The following PTPRD variants were observed in gnomAD, a reference collection of about 807,000 sequenced individuals.
PTPRD encodes the protein protein tyrosine phosphatase receptor type D, also known as receptor-type tyrosine-protein phosphatase delta.
A neutral mutation model predicts 214.5 loss-of-function variants in PTPRD; 34 were observed. The ratio of observed to expected loss-of-function variants is 0.16; its 90% CI spans 0.12 to 0.21. PTPRD has a LOEUF of 0.21. Among genes scored for constraint, PTPRD ranks in the 10% least tolerant of loss-of-function variants. PTPRD has a pLI of 1.00. For missense variants in PTPRD, 2,545 were observed against 2,398.7 expected (o/e 1.06, Z -1.27); for synonymous variants, 1,128 against 845.7 (o/e 1.33, Z -5.79).
intron 8 of PTPRD, among the ~76,000 whole-genome samples, chr9:9,523,508 T>C (rs1403478126): frequency 1.3e-5 from 2 of 151,694 alleles, no homozygotes; most frequent in Admixed American, 1.3e-4. Flanking sequence ...ACAACATATT[T>C]ATCTAACTCC....
At chr9:9,208,415 A>G (rs2099946381) in intron 9 of PTPRD, among the ~76,000 whole-genome samples, 1 of 152,006 alleles carries the variant, frequency 6.6e-6, no homozygotes, top group South Asian at 2.1e-4. Flanking sequence ...ATACAAAATA[A>G]ATAAATGAAA....
At chr9:9,929,706 A>G (rs1339366887) in intron 5 of PTPRD, among the ~76,000 whole-genome samples, 1 of 152,190 alleles carries the variant, frequency 6.6e-6, no homozygotes, top group African/African-American at 2.4e-5. Context: ...AAACACTTTT[A>G]AAGAGGTTTC....
At chr9:8,357,558 C>G (rs181640198) in intron 39 of PTPRD, among the ~76,000 whole-genome samples, 4 of 152,158 alleles carry the variant, frequency 2.6e-5, no homozygotes, top group African/African-American at 4.8e-5. Context: ...TTGGCTCTGT[C>G]TGTTTTGGAA....
intron 12 of PTPRD, among the ~76,000 whole-genome samples, chr9:8,674,238 T>A (rs1292894484): frequency 1.3e-5 from 2 of 151,984 alleles, no homozygotes; most frequent in Non-Finnish European, 2.9e-5. Context: ...GGCAGGCAGA[T>A]CACAAAGTCA....
intron 8 of PTPRD, among the ~76,000 whole-genome samples, chr9:9,440,401 G>C (rs2087093214): frequency 6.6e-6 from 1 of 152,138 alleles, no homozygotes; most frequent in African/African-American, 2.4e-5. Flanking sequence ...AAATGCAAAA[G>C]TGAAAAGGTA....
intron 3 of PTPRD, among the ~76,000 whole-genome samples, chr9:10,054,452 G>A (rs571314806): frequency 1.2e-4 from 18 of 152,228 alleles, no homozygotes; most frequent in African/African-American, 4.3e-4. Flanking sequence ...CTACACTGTA[G>A]AAAGGCTTCC....
intron 14 of PTPRD, among the ~76,000 whole-genome samples, chr9:8,580,719 C>T (rs1437396101): frequency 6.6e-6 from 1 of 152,046 alleles, no homozygotes; most frequent in African/African-American, 2.4e-5. Flanking sequence ...GTAAGTACAA[C>T]AAAATAGGTA....
chr9:9,810,486 A>G (rs1159635354), intron 5 of PTPRD, among the ~76,000 whole-genome samples: 1 of 152,148 alleles, frequency 6.6e-6, no homozygotes, highest in Non-Finnish European at 1.5e-5. Context: ...GCCCTTAATA[A>G]TTATGTTAAA....
intron 9 of PTPRD, among the ~76,000 whole-genome samples, chr9:9,360,498 T>G (rs1289696233): frequency 6.6e-6 from 1 of 151,106 alleles, no homozygotes; most frequent in Non-Finnish European, 1.5e-5. Context: ...TGTGACAAGG[T>G]CTATGGGAGT....
At chr9:9,712,016 A>T (rs2097744321) in intron 7 of PTPRD, among the ~76,000 whole-genome samples, 2 of 152,224 alleles carry the variant, frequency 1.3e-5, no homozygotes, top group South Asian at 4.1e-4. Context: ...CATTCAATTC[A>T]GCATTAGCAT....
intron 5 of PTPRD, among the ~76,000 whole-genome samples, chr9:9,826,196 CCTTT>C (rs1211896820): frequency 6.6e-6 from 1 of 151,636 alleles, no homozygotes; most frequent in Non-Finnish European, 1.5e-5. Flanking sequence ...AATATGACTT[CCTTT>C]AACTTTTTCT....
chr9:9,221,795 G>T (rs569064576), intron 9 of PTPRD, among the ~76,000 whole-genome samples: 5 of 152,048 alleles, frequency 3.3e-5, no homozygotes, highest in African/African-American at 9.6e-5. Context: ...AATCTGTCAC[G>T]TGTAGCAGAA....
intron 2 of PTPRD, among the ~76,000 whole-genome samples, chr9:10,468,559 G>A (rs541172206): frequency 4.3e-4 from 66 of 152,240 alleles, no homozygotes; most frequent in African/African-American, 1.6e-3. Context: ...ATGATGGGTT[G>A]ATGGGTGCAG....
At chr9:9,353,744 T>C (rs1167018566) in intron 9 of PTPRD, among the ~76,000 whole-genome samples, 2 of 151,838 alleles carry the variant, frequency 1.3e-5, no homozygotes, top group Admixed American at 6.6e-5. Flanking sequence ...AAGGAATATA[T>C]TAGTTTTCTA....
At chr9:10,201,533 T>C (rs2099421889) in intron 3 of PTPRD, among the ~76,000 whole-genome samples, 1 of 152,064 alleles carries the variant, frequency 6.6e-6, no homozygotes, top group South Asian at 2.1e-4. Flanking sequence ...TTAATTGTCA[T>C]CTTTTTAAAG....
At chr9:8,940,360 G>T in intron 11 of PTPRD, among the ~76,000 whole-genome samples, 1 of 132,896 alleles carries the variant, frequency 7.5e-6, no homozygotes, top group Non-Finnish European at 1.6e-5. Flanking sequence ...TTGGCCCACT[G>T]CAACCTCTGC....
At chr9:9,493,589 C>G (rs2096021109) in intron 8 of PTPRD, among the ~76,000 whole-genome samples, 1 of 151,818 alleles carries the variant, frequency 6.6e-6, no homozygotes, top group Admixed American at 6.6e-5. Flanking sequence ...GAGATCGAGA[C>G]CATTCTGGCT....
At chr9:10,602,215 G>A (rs145758447) in intron 2 of PTPRD, among the ~76,000 whole-genome samples, 413 of 151,788 alleles carry the variant, frequency 2.7e-3, no homozygotes, top group African/African-American at 6.6e-3. Flanking sequence ...AAGAAGTGTC[G>A]ATCCAATTCG....
rs138711905 is a variant in PTPRD, at chr9:10,279,583, A to G, written c.-545+61380T>C. ...CTCCTTTGCTGGAGGTTGGTCATTT[A>G]TATCTTACTCAAGCTACTTTCACGT... On this transcript the variant is annotated intron_variant, in intron 3 of 45. Transcript: ENST00000381196. Among the ~76,000 whole-genome samples the G allele has an allele frequency of 5.3e-3, 803 of 152,106 alleles. 9 individuals are homozygous for G. The highest frequency in any genetic ancestry group is 0.018 in the African/African-American group (758 of 41,492).
Sources: gnomAD v4.1 joint callset for allele counts (sites outside exome capture counted in the v4.1 genomes callset) on GRCh38, gnomAD v4.1.1 for gene constraint, MANE v1.5 for transcripts, NCBI Gene and HGNC (gene_info 2026-07-23, HGNC 2026-07-21) for gene names.